LRP6: variants seen among roughly 807,000 people sequenced by gnomAD.
LRP6 encodes LDL receptor related protein 6.
A neutral mutation model predicts 184.1 loss-of-function variants in LRP6; 43 were observed. The ratio of observed to expected loss-of-function variants is 0.23; its 90% confidence interval spans 0.18 to 0.30. LRP6 has a LOEUF of 0.30. LRP6 is among the 10% of genes least tolerant of loss of function. The probability of loss-of-function intolerance (pLI) is 1.00; values close to 1 mark genes in which losing one functional copy is unlikely to be tolerated. For synonymous variants in LRP6, 719 were observed against 684.9 expected (o/e 1.05, Z -0.78); for missense variants, 1,571 against 2,005.3 (o/e 0.78, Z 4.14).
chr12:12,124,789 T>C, intron 21 of LRP6, 127 bp from the exon 22 acceptor site: 3 of 652,518 alleles, frequency 4.6e-6, no homozygotes, highest in Non-Finnish European at 7.9e-6. Flanking sequence ...ATTCTTCTTT[T>C]CCAAAGAATT....
At position 12,116,543 on chromosome 12, in the gene LRP6, A is replaced by G. The variant is rs924420019; in HGVS notation, c.*4583T>C. ...TGTATCTATATATAAATATATCTCT[A>G]TCGCCCATCCTGCTTATATTTGACT... On this transcript the variant is annotated 3_prime_UTR_variant, in exon 23 of 23. Transcript: ENST00000261349. 3.9e-5 allele frequency: 6 copies of G among 152,150 alleles called. No individual in the cohort carries two copies. The highest frequency in any genetic ancestry group is 2.6e-4 in the Admixed American group (4 of 15,266). 9.4% of individuals were successfully genotyped at this position (152,150 alleles called of 1,614,324 possible).
intron 1 of LRP6, among the ~76,000 whole-genome samples, chr12:12,256,789 A>C (rs1770961412): frequency 6.6e-6 from 1 of 152,198 alleles, no homozygotes; most frequent in Non-Finnish European, 1.5e-5. Flanking sequence ...TTGGGTGATG[A>C]AGCAAGACTC....
intron 2 of LRP6, among the ~76,000 whole-genome samples, chr12:12,233,476 A>C (rs1386577602): frequency 6.6e-6 from 1 of 152,174 alleles, no homozygotes; most frequent in Non-Finnish European, 1.5e-5. Context: ...TCAAAAAAAT[A>C]AATGAATGAA....
At chr12:12,194,464 ATTCTGATT>A (rs1863701688) in intron 3 of LRP6, among the ~76,000 whole-genome samples, 1 of 152,066 alleles carries the variant, frequency 6.6e-6, no homozygotes, top group Admixed American at 6.5e-5. Flanking sequence ...AGTAACAATT[ATTCTGATT>A]TTCTATTAGT....
chr12:12,225,240 C>T (rs1864590042), intron 2 of LRP6, among the ~76,000 whole-genome samples: 1 of 152,042 alleles, frequency 6.6e-6, no homozygotes. Context: ...GGGGAAGAAG[C>T]TTGGAAATCG....
At chr12:12,247,842 A>C (rs74061150) in intron 1 of LRP6, among the ~76,000 whole-genome samples, 3,064 of 152,256 alleles carry the variant, frequency 0.02, 103 homozygotes, top group African/African-American at 0.065. Context: ...AGATAACCCA[A>C]ATAATCACCA....
intron 2 of LRP6, among the ~76,000 whole-genome samples, chr12:12,240,165 A>T (rs1190545533): frequency 1.3e-5 from 2 of 152,170 alleles, no homozygotes; most frequent in African/African-American, 2.4e-5. Flanking sequence ...TTCTTCTAAC[A>T]CATCACTCTT....
At chr12:12,231,688 TTTTTG>T (rs934600281) in intron 2 of LRP6, among the ~76,000 whole-genome samples, 12 of 151,818 alleles carry the variant, frequency 7.9e-5, no homozygotes, top group Admixed American at 1.3e-4. Flanking sequence ...AACGGTTTTT[TTTTTG>T]TTTTGTTTTT....
At chr12:12,249,219 G>T in intron 1 of LRP6, 1 of 807,780 alleles carries the variant, frequency 1.2e-6, no homozygotes, top group Non-Finnish European at 2.2e-6. Flanking sequence ...ATACCCAGAA[G>T]CACCCCCCTT....
Position 12,178,301 on chromosome 12 carries a change from T to C in LRP6, c.1545+1509A>G, listed in dbSNP as rs185861194. ...AGTATTATACCTAAAGTGAGGAAAA[T>C]AAGACTTGAAATATTCCCAGTAAGA... On this transcript the variant is annotated intron_variant, in intron 7 of 22. Coordinates refer to ENST00000261349, the MANE Select transcript of LRP6 (RefSeq NM_002336.3). Among the ~76,000 whole-genome samples the C allele has an allele frequency of 5.5e-4, 83 of 152,244 alleles. 1 individual carries two copies. Among genetic ancestry groups the C allele is most frequent in the African/African-American group, 1.9e-3 (78 of 41,554 alleles).
chr12:12,199,324 A>G (rs1237726902), intron 3 of LRP6, among the ~76,000 whole-genome samples: 1 of 152,098 alleles, frequency 6.6e-6, no homozygotes, highest in Non-Finnish European at 1.5e-5. Flanking sequence ...ACTCTATAGC[A>G]TGTGTCTCTG....
chr12:12,176,874 T>C (rs986813948), intron 7 of LRP6, among the ~76,000 whole-genome samples: 2 of 137,502 alleles, frequency 1.5e-5, no homozygotes, highest in African/African-American at 5.5e-5. Context: ...TTAGACAGAG[T>C]CTTGTTCTTG....
chr12:12,155,472 C>T (rs1401562358), intron 12 of LRP6: 2 of 929,948 alleles, frequency 2.2e-6, no homozygotes, highest in Non-Finnish European at 3.5e-6. Flanking sequence ...ACCCAGCATG[C>T]TGTTGGCATT....
intron 1 of LRP6, among the ~76,000 whole-genome samples, chr12:12,253,417 CT>C (rs1206332652): frequency 3.9e-5 from 6 of 152,070 alleles, no homozygotes; most frequent in Non-Finnish European, 7.4e-5. Flanking sequence ...AGATCTTTCA[CT>C]TTTTTTCTTT....
chr12:12,193,098 A>G (rs985771123), intron 3 of LRP6, among the ~76,000 whole-genome samples: 1 of 152,042 alleles, frequency 6.6e-6, no homozygotes, highest in Non-Finnish European at 1.5e-5. Flanking sequence ...AAATTTGGGA[A>G]ATCAAATTAT....
At position 12,155,657 on chromosome 12, in the gene LRP6, G is replaced by C; in HGVS notation, c.2791+3172C>G. 3 of 964,656 alleles carry C rather than the reference G, an allele frequency of 3.1e-6. No homozygotes were observed. In the South Asian group the frequency reaches 3.9e-5, roughly 12 times the overall value. 59.8% of individuals were successfully genotyped at this position (964,656 alleles called of 1,614,324 possible). ...AAAAAGAAAGAAGCCAAAGAGAAAG[G>C]TACCTGGGTTCAACTGAAGCGCCAG... On this transcript the variant is annotated intron_variant, in intron 12 of 22. Coordinates refer to ENST00000261349, the MANE Select transcript of LRP6 (RefSeq NM_002336.3).
chr12:12,173,319 T>C (rs190833308), intron 7 of LRP6, among the ~76,000 whole-genome samples: 29 of 152,314 alleles, frequency 1.9e-4, no homozygotes, highest in African/African-American at 6.3e-4. Context: ...TCTGCTCTCA[T>C]TCTTTTTAAG....
At chr12:12,188,636 C>T (rs1475344829) in intron 3 of LRP6, among the ~76,000 whole-genome samples, 1 of 152,186 alleles carries the variant, frequency 6.6e-6, no homozygotes, top group Non-Finnish European at 1.5e-5. Context: ...AAAATACCTG[C>T]ACTGCCAACC....
intron 8 of LRP6, among the ~76,000 whole-genome samples, 131 bp downstream of exon 8, chr12:12,164,919 TAAAAAAAAAAAAAAAAAAAAAAAAAAAAA>T (rs58540250): frequency 1.8e-5 from 1 of 57,076 alleles, no homozygotes; most frequent in Non-Finnish European, 3.6e-5. Flanking sequence ...CCCTTCTCAG[TAAAAAAAAAAAAAAAAAAAAAAAAAAAAA>T]AAAAAAAGGC....
Sources: allele counts gnomAD v4.1 joint callset (sites outside exome capture counted in the v4.1 genomes callset), GRCh38; gene constraint gnomAD v4.1.1; transcripts MANE v1.5; gene names NCBI Gene and HGNC (gene_info 2026-07-23, HGNC 2026-07-21).